PRELID2: variants seen among roughly 807,000 people sequenced by gnomAD.
The protein encoded by PRELID2 is PRELI domain-containing protein 2.
In PRELID2, 25 loss-of-function variants were observed where a neutral mutation model predicts 28.4. That is an observed-to-expected ratio of 0.88 (90% CI 0.64 to 1.23). The LOEUF (loss-of-function observed/expected upper bound fraction) is 1.23, where lower values mean the gene tolerates loss of function less well. Ranked by LOEUF, PRELID2 falls within the 50% of genes most tolerant of loss-of-function variation. The probability of loss-of-function intolerance (pLI) is 0.00; values close to 1 mark genes in which losing one functional copy is unlikely to be tolerated. For missense variants in PRELID2, 201 were observed against 214.4 expected (o/e 0.94, Z 0.39); for synonymous variants, 76 against 71.6 (o/e 1.06, Z -0.31).
At chr5:145,255,538 C>T in the PRELID2 span, among the ~76,000 whole-genome samples, 1 of 151,424 alleles carries the variant, frequency 6.6e-6, no homozygotes, top group Non-Finnish European at 1.5e-5. Flanking sequence ...CTTTGGGAGG[C>T]AGAGGTGAGA....
At chr5:145,747,031 C>T (rs1301375607) in intron 1 of PRELID2, among the ~76,000 whole-genome samples, 1 of 152,108 alleles carries the variant, frequency 6.6e-6, no homozygotes, top group Non-Finnish European at 1.5e-5. Context: ...ACAGCTAACA[C>T]AGTGTTAAGA....
intron 1 of PRELID2, among the ~76,000 whole-genome samples, chr5:145,641,999 G>C (rs1224575241): frequency 6.6e-6 from 1 of 152,134 alleles, no homozygotes; most frequent in East Asian, 1.9e-4. Flanking sequence ...CTTTATAGTA[G>C]AATGATTTAA....
chr5:145,516,884 G>T (rs983387284), intron 1 of PRELID2, among the ~76,000 whole-genome samples: 1 of 152,228 alleles, frequency 6.6e-6, no homozygotes, highest in South Asian at 2.1e-4. Context: ...ACAAGCAACT[G>T]GGAAAGGATT....
At chr5:145,702,660 T>A (rs762588121) in intron 1 of PRELID2, among the ~76,000 whole-genome samples, 3 of 152,190 alleles carry the variant, frequency 2.0e-5, no homozygotes, top group African/African-American at 4.8e-5. Context: ...AGCACCCCCA[T>A]GCCCAGCAGA....
At chr5:145,834,411 A>G (rs1755799567) in intron 1 of PRELID2, among the ~76,000 whole-genome samples, 1 of 152,168 alleles carries the variant, frequency 6.6e-6, no homozygotes, top group African/African-American at 2.4e-5. Flanking sequence ...TGTACAGACA[A>G]TCAATAGTTT....
intron 1 of PRELID2, among the ~76,000 whole-genome samples, chr5:145,535,994 C>G (rs1024899139): frequency 5.3e-5 from 8 of 151,890 alleles, no homozygotes; most frequent in Non-Finnish European, 1.0e-4. Flanking sequence ...AGAGCAGCCC[C>G]TTGCCTTACA....
the PRELID2 span, among the ~76,000 whole-genome samples, chr5:145,267,285 A>G: frequency 0.085 from 12,879 of 152,104 alleles, 1,182 homozygotes; most frequent in African/African-American, 0.23. Context: ...CCAGATTAAG[A>G]GTGGTTCTGC....
chr5:145,816,485 T>C (rs753857496), intron 4 of PRELID2, among the ~76,000 whole-genome samples: 2 of 152,208 alleles, frequency 1.3e-5, no homozygotes, highest in Non-Finnish European at 2.9e-5. Flanking sequence ...TTTGCTATCA[T>C]ATCTAAGAAA....
intron 1 of PRELID2, among the ~76,000 whole-genome samples, chr5:145,499,809 G>T (rs1752344152): frequency 6.6e-6 from 1 of 152,230 alleles, no homozygotes; most frequent in African/African-American, 2.4e-5. Flanking sequence ...AGTCAGCTCT[G>T]CTGCCACGTT....
rs146487120 is a variant in PRELID2, at chr5:145,527,025, C to T, written n.71-53710G>A. On this transcript the variant is annotated intron_variant and non_coding_transcript_variant, in intron 1 of 2. Coordinates refer to the PRELID2 transcript ENST00000510259. ...TCACCAGATGGTGCAGCCAGGGCTA[C>T]GATAATGAGAGAATTAGATTAGATT... Among the ~76,000 whole-genome samples the T allele has an allele frequency of 2.3e-3, 349 of 152,044 alleles. 1 individual carries two copies. The highest frequency in any genetic ancestry group is 7.9e-3 in the African/African-American group (327 of 41,440).
At chr5:145,713,251 A>G (rs1003828170) in intron 1 of PRELID2, among the ~76,000 whole-genome samples, 8 of 150,928 alleles carry the variant, frequency 5.3e-5, no homozygotes, top group Non-Finnish European at 1.0e-4. Flanking sequence ...TTAAACTACT[A>G]AAAGCCAAAG....
At chr5:145,613,281 T>A (rs1473148686) in intron 1 of PRELID2, among the ~76,000 whole-genome samples, 1 of 152,074 alleles carries the variant, frequency 6.6e-6, no homozygotes, top group Non-Finnish European at 1.5e-5. Context: ...ATATCTTCTT[T>A]TTTTATTTTT....
chr5:145,484,825 A>C (rs1752199088), intron 1 of PRELID2, among the ~76,000 whole-genome samples: 1 of 152,204 alleles, frequency 6.6e-6, no homozygotes, highest in South Asian at 2.1e-4. Context: ...TGTATTTCCC[A>C]TTAGAGAAAT....
At chr5:145,424,857 C>T in the PRELID2 span, among the ~76,000 whole-genome samples, 2 of 152,184 alleles carry the variant, frequency 1.3e-5, no homozygotes, top group African/African-American at 4.8e-5. Flanking sequence ...GACATAGGCA[C>T]AGGCAAACAT....
the PRELID2 span, among the ~76,000 whole-genome samples, chr5:145,248,187 C>T: frequency 6.6e-6 from 1 of 151,972 alleles, no homozygotes; most frequent in Non-Finnish European, 1.5e-5. Context: ...ATGCAAAATT[C>T]CTATATTTTC....
At chr5:145,635,445 G>A (rs544674650) in intron 1 of PRELID2, among the ~76,000 whole-genome samples, 39 of 152,112 alleles carry the variant, frequency 2.6e-4, no homozygotes, top group Non-Finnish European at 5.0e-4. Context: ...TTCATACACC[G>A]AACTCTGGTT....
chr5:145,774,890 A>C (rs868790953), intron 5 of PRELID2, among the ~76,000 whole-genome samples: 3 of 152,186 alleles, frequency 2.0e-5, no homozygotes, highest in Admixed American at 2.0e-4. Context: ...CAATTACATA[A>C]GAAAAATGAA....
At chr5:145,775,179 G>T (rs1424440243) in intron 5 of PRELID2, among the ~76,000 whole-genome samples, 1 of 152,002 alleles carries the variant, frequency 6.6e-6, no homozygotes, top group Non-Finnish European at 1.5e-5. Flanking sequence ...GGTGGAGGTT[G>T]CAGTGAGCCG....
chr5:145,609,729 C>T (rs76026856), intron 1 of PRELID2, among the ~76,000 whole-genome samples: 20,525 of 152,178 alleles, frequency 0.13, 2,012 homozygotes, highest in African/African-American at 0.25. Flanking sequence ...GCTGAGTTCA[C>T]ACAGAAGTGG....
Sources: gnomAD v4.1 joint callset for allele counts (sites outside exome capture counted in the v4.1 genomes callset) on GRCh38, gnomAD v4.1.1 for gene constraint, MANE v1.5 for transcripts, NCBI Gene and HGNC (gene_info 2026-07-23, HGNC 2026-07-21) for gene names.